The following KDM1B variants were observed in gnomAD, a reference collection of about 807,000 sequenced individuals.
The protein encoded by KDM1B is lysine demethylase 1B, also known as lysine-specific histone demethylase 2.
Under a neutral mutation model 107.4 loss-of-function variants are expected in KDM1B, and 63 were observed. The ratio of observed to expected loss-of-function variants is 0.59; its 90% CI spans 0.48 to 0.72. The LOEUF (loss-of-function observed/expected upper bound fraction) is 0.72, where lower values mean the gene tolerates loss of function less well. Among genes scored for constraint, KDM1B ranks in the 30% least tolerant of loss-of-function variants. KDM1B has a pLI of 0.00. For synonymous variants in KDM1B, 363 were observed against 363.9 expected (o/e 1.00, Z 0.03); for missense variants, 749 against 1,020.8 (o/e 0.73, Z 3.63).
At chr6:18,174,181 C>T (rs1785842478) in intron 7 of KDM1B, among the ~76,000 whole-genome samples, 1 of 152,150 alleles carries the variant, frequency 6.6e-6, no homozygotes, top group Non-Finnish European at 1.5e-5. Flanking sequence ...CAATGCTCTG[C>T]TGTCATGATT....
chr6:18,221,298 T>TAA (rs1377622963), intron 21 of KDM1B, among the ~76,000 whole-genome samples: 1 of 152,168 alleles, frequency 6.6e-6, no homozygotes, highest in Non-Finnish European at 1.5e-5. Context: ...GACCTTGTCA[T>TAA]AATTACTTAA....
At chr6:18,188,045 C>G (rs1363496890) in intron 9 of KDM1B, 43 bp downstream of exon 9, 1 of 1,503,550 alleles carries the variant, frequency 6.7e-7, no homozygotes, top group Non-Finnish European at 9.0e-7. Context: ...ATTCCCCGCT[C>G]CCCTCCCTGA....
intron 20 of KDM1B, among the ~76,000 whole-genome samples, chr6:18,217,463 C>T (rs1040137984): frequency 1.3e-5 from 2 of 151,132 alleles, no homozygotes; most frequent in Non-Finnish European, 2.9e-5. Context: ...ACTGCAAGCT[C>T]CGCCTCCTGG....
chr6:18,204,848 C>T lies in KDM1B; in HGVS notation c.1532-689C>T, dbSNP rs1212430645. On this transcript the variant is annotated intron_variant, in intron 14 of 21. Transcript: ENST00000650836. The surrounding 1 kb of genome is among the most constrained non-coding windows in gnomAD (Gnocchi z 4.9). ...GAGGGAGAGTGGGAGGTCGCAGACCCTGCAGGGTAGGAATTTACCAGGAAA... is the reference window on the plus strand; with the variant it reads ...GAGGGAGAGTGGGAGGTCGCAGACCTTGCAGGGTAGGAATTTACCAGGAAA... Among the ~76,000 whole-genome samples the T allele has an allele frequency of 6.6e-6, 1 of 152,212 alleles. No individual in the cohort carries two copies. Among genetic ancestry groups the T allele is most frequent in the Non-Finnish European group, 1.5e-5 (1 of 68,046 alleles).
chr6:18,197,218 T>G lies in KDM1B; in HGVS notation c.1131T>G (p.Pro377=), dbSNP rs150431447. The part of the protein sequence containing the change: ...LSVGADQYLL[P]KDYHNKSVII... Reference sequence around the variant, plus strand: ...TGGGAGCCGACCAGTATCTTCTCCCTAAGGACTACCACAATGTAGGTGATT... The same window carrying G: ...TGGGAGCCGACCAGTATCTTCTCCCGAAGGACTACCACAATGTAGGTGATT... The change falls in exon 11 of 22, where the codon CCT becomes CCG. Residue 377 remains proline (P), a synonymous_variant. Transcript: ENST00000650836. The surrounding 1 kb of genome is among the most constrained non-coding windows in gnomAD (Gnocchi z 4.5). 7 of 1,613,800 alleles carry G rather than the reference T, an allele frequency of 4.3e-6. No individual in the cohort carries two copies. The African/African-American group carries it at 9.3e-5, about 22-fold the overall frequency.
Position 18,159,776 on chromosome 6 carries a change from G to A in KDM1B, c.-13-107G>A. 1 of 645,748 alleles carries A rather than the reference G, an allele frequency of 1.5e-6. No homozygotes were observed. Among genetic ancestry groups the A allele is most frequent in the Admixed American group, 3.2e-5 (1 of 31,484 alleles). 40.0% of individuals were successfully genotyped at this position (645,748 alleles called of 1,614,324 possible). A position where few individuals can be genotyped will look rare whatever the true frequency, so the allele number is the denominator to read the frequency against. ...AAGAAAACTGTAGCTTTGTATTTAG[G>A]CAATCTGACATACATTCTTACCTAC... is the stretch of plus-strand genomic sequence containing the variant. On this transcript the variant is annotated intron_variant, in intron 2 of 21. Coordinates refer to ENST00000650836, the MANE Select transcript of KDM1B (RefSeq NM_001364614.2). The surrounding 1 kb of genome is among the most constrained non-coding windows in gnomAD (Gnocchi z 4.5).
At chr6:18,202,486 C>G (rs1197174799) in intron 14 of KDM1B, among the ~76,000 whole-genome samples, 1 of 152,092 alleles carries the variant, frequency 6.6e-6, no homozygotes, top group African/African-American at 2.4e-5. Flanking sequence ...AAAACTTGAC[C>G]ATCCATAGTG....
intron 12 of KDM1B, among the ~76,000 whole-genome samples, chr6:18,198,921 C>T (rs1050437725): frequency 7.7e-5 from 11 of 142,982 alleles, no homozygotes; most frequent in Non-Finnish European, 1.5e-4. Flanking sequence ...GTAATCCCAG[C>T]ACTTTGGGAG....
At chr6:18,188,284 C>A (rs1393706964) in intron 9 of KDM1B, among the ~76,000 whole-genome samples, 1 of 152,238 alleles carries the variant, frequency 6.6e-6, no homozygotes, top group African/African-American at 2.4e-5. Flanking sequence ...TAAAGCCCCT[C>A]ATTATTTCAT....
At chr6:18,164,320 A>G (rs1444780758) in intron 5 of KDM1B, among the ~76,000 whole-genome samples, 2 of 151,718 alleles carry the variant, frequency 1.3e-5, no homozygotes, top group African/African-American at 4.8e-5. Flanking sequence ...TAGAGACAGG[A>G]CTTCATCATG....
At position 18,194,172 on chromosome 6, in the gene KDM1B, T is replaced by A. The variant is rs1027618134; in HGVS notation, c.969+2791T>A. On this transcript the variant is annotated intron_variant, in intron 10 of 21. Transcript: ENST00000650836. ...GATTACAGGCGTGCACTACCACGCC[T>A]GGCTAAATTTCTTGTATTTTTAGTA... is the stretch of plus-strand genomic sequence containing the variant. Among the ~76,000 whole-genome samples the A allele has an allele frequency of 2.0e-5, 3 of 151,900 alleles. No homozygotes were observed. In the East Asian group the frequency reaches 5.8e-4, roughly 30 times the overall value.
rs986378400 is a variant in KDM1B, at chr6:18,212,338, T to G, written c.1867-150T>G. 21 of 678,792 alleles carry G rather than the reference T, an allele frequency of 3.1e-5. No homozygotes were observed. The highest frequency in any genetic ancestry group is 5.1e-5 in the Non-Finnish European group (19 of 376,000). 42.0% of individuals were successfully genotyped at this position (678,792 alleles called of 1,614,324 possible). On this transcript the variant is annotated intron_variant, in intron 17 of 21. Transcript: ENST00000650836. The surrounding 1 kb of genome is among the most constrained non-coding windows in gnomAD (Gnocchi z 5.2). ...GTTGCCACTTCTGCTTAGCCAGGCA[T>G]TGGCACCCTTGTGCAGTGAGCAACC... is the stretch of plus-strand genomic sequence containing the variant.
intron 17 of KDM1B, among the ~76,000 whole-genome samples, chr6:18,208,625 A>ATATATATATATATATATATATATATATT (rs1788579809): frequency 2.8e-5 from 1 of 36,264 alleles, no homozygotes; most frequent in Non-Finnish European, 4.9e-5. Context: ...ATATATATAT[A>ATATATATATATATATATATATATATATT]TATTTTTTTT....
chr6:18,179,840 G>A (rs546627744), intron 7 of KDM1B, among the ~76,000 whole-genome samples: 69,984 of 79,150 alleles, frequency 0.88, 32,440 homozygotes, highest in Non-Finnish European at 0.9. Context: ...TTTAGCATTG[G>A]TTTTTTTTCC....
intron 10 of KDM1B, among the ~76,000 whole-genome samples, chr6:18,193,849 G>A (rs1439873117): frequency 6.6e-6 from 1 of 151,672 alleles, no homozygotes; most frequent in African/African-American, 2.4e-5. Flanking sequence ...GTCATGCCAA[G>A]GCTGGGTGAG....
chr6:18,206,097 A>G (rs985988251), intron 15 of KDM1B, among the ~76,000 whole-genome samples: 1 of 152,102 alleles, frequency 6.6e-6, no homozygotes, highest in Non-Finnish European at 1.5e-5. Flanking sequence ...AAAAGTTTGA[A>G]AACCATGACT....
In KDM1B at chr6:18,179,843, T is replaced by TTC. The variant is rs1259279823; in HGVS notation, c.535-5928_535-5927insCT. 1.5e-3 allele frequency among the ~76,000 whole-genome samples: 55 copies of TTC among 37,530 alleles called. 25 individuals are homozygous for TTC. Among genetic ancestry groups the TTC allele is most frequent in the Middle Eastern group, 0.029 (2 of 70 alleles). 24.6% of individuals were successfully genotyped at this position (37,530 alleles called of 152,430 possible). A position where few individuals can be genotyped will look rare whatever the true frequency, so the allele number is the denominator to read the frequency against. ...AAAATCTTTCAATTTAGCATTGGTT[T>TTC]TTTTTCCTTTTTTTTTTTTTTTTTT... On this transcript the variant is annotated intron_variant, in intron 7 of 21. Coordinates refer to ENST00000650836, the MANE Select transcript of KDM1B (RefSeq NM_001364614.2).
At chr6:18,199,008 GAAAAAAAAAAAAAAA>G (rs70974711) in intron 12 of KDM1B, among the ~76,000 whole-genome samples, 1 of 74,696 alleles carries the variant, frequency 1.3e-5, no homozygotes, top group African/African-American at 4.4e-5. Context: ...GTCTCTACCA[GAAAAAAAAAAAAAAA>G]AAAAAAAAAA....
chr6:18,194,868 C>T (rs998470836), intron 10 of KDM1B, among the ~76,000 whole-genome samples: 5 of 152,108 alleles, frequency 3.3e-5, no homozygotes. Flanking sequence ...TAATGTATAA[C>T]CATCACCACT....
Sources: allele counts gnomAD v4.1 joint callset (sites outside exome capture counted in the v4.1 genomes callset), GRCh38; gene constraint gnomAD v4.1.1; non-coding constraint Gnocchi (gnomAD v3.1); transcripts MANE v1.5; gene names NCBI Gene and HGNC (gene_info 2026-07-23, HGNC 2026-07-21).